Variants in FAM20C observed in about 807,000 individuals in gnomAD.
The protein encoded by FAM20C is extracellular serine/threonine protein kinase FAM20C.
A neutral mutation model predicts 51.5 loss-of-function variants in FAM20C; 40 were observed. That is an observed-to-expected ratio of 0.78 (90% CI 0.60 to 1.01). The LOEUF is 1.01. FAM20C is among the 50% of genes least tolerant of loss of function. FAM20C has a pLI of 0.00. For synonymous variants in FAM20C, 406 were observed against 380.6 expected (o/e 1.07, Z -0.78); for missense variants, 861 against 844.7 (o/e 1.02, Z -0.24).
chr7:258,616 C>A, intron 8 of FAM20C, 30 bp from the exon 9 acceptor site: 1 of 1,535,814 alleles, frequency 6.5e-7, no homozygotes, highest in Middle Eastern at 1.7e-4. Flanking sequence ...TGTACAGGGG[C>A]CCTTGACAAT....
chr7:211,932 C>T (rs28421120), intron 3 of FAM20C, among the ~76,000 whole-genome samples: 45,676 of 147,972 alleles, frequency 0.31, 7,079 homozygotes, highest in South Asian at 0.46. Flanking sequence ...CTCTCACCGC[C>T]GCCCCCCAGG....
chr7:229,031 AC>A (rs1203424273), intron 3 of FAM20C: 3 of 229,550 alleles, frequency 1.3e-5, no homozygotes, highest in Non-Finnish European at 2.5e-5. Context: ...CACGCACCCC[AC>A]CCCCCCACCA....
intron 2 of FAM20C, among the ~76,000 whole-genome samples, chr7:208,141 G>T (rs1471180549): frequency 1.3e-5 from 2 of 152,188 alleles, no homozygotes; most frequent in Admixed American, 6.5e-5. Flanking sequence ...GGGCAGGGGG[G>T]TGCGTGGGTG....
chr7:214,261 G>T lies in FAM20C; in HGVS notation c.863+5285G>T, dbSNP rs548341118. Among the ~76,000 whole-genome samples, 21 of 152,088 alleles carry T rather than the reference G, an allele frequency of 1.4e-4. No individual in the cohort carries two copies. The South Asian group carries it at 4.4e-3, about 32-fold the overall frequency. ...AATCGCTTGAACCCGGGAGGCGGAG[G>T]TTGCAGTGAGCCGAGATCACGCCAC... On this transcript the variant is annotated intron_variant, in intron 3 of 9. Transcript: ENST00000313766.
At chr7:197,185 T>A (rs1785912849) in intron 2 of FAM20C, 1 of 166,942 alleles carries the variant, frequency 6.0e-6, no homozygotes, top group African/African-American at 2.4e-5. Flanking sequence ...GGTGGGGAGT[T>A]GAGGATGAGT....
At chr7:203,287 C>A (rs1786213133) in intron 2 of FAM20C, among the ~76,000 whole-genome samples, 1 of 152,254 alleles carries the variant, frequency 6.6e-6, no homozygotes, top group Non-Finnish European at 1.5e-5. Flanking sequence ...AGGACCTGTG[C>A]CCACACGCCT....
Position 248,364 on chromosome 7 carries a change from A to G in FAM20C, c.1006A>G (p.Met336Val), listed in dbSNP as rs1788257124. 4 of 1,537,052 alleles carry G rather than the reference A, an allele frequency of 2.6e-6. No individual in the cohort carries two copies. Among genetic ancestry groups the G allele is most frequent in the African/African-American group, 1.4e-5 (1 of 73,058 alleles). The change falls in exon 5 of 10, where the codon ATG becomes GTG. Residue 336 changes from methionine (M) to valine (V), a missense_variant. Met to Val is a conservative substitution (Grantham distance 21, BLOSUM62 1). Transcript: ENST00000313766. ...TCCCGTGGCCGGCAGGATGGTCAAC[A>G]TGACCAAGGAGATCCGGGACGTCAC... ...VPPVAGRMVN[M>V]TKEIRDVTRD...
rs144273353 is a variant in FAM20C at position 243,947 on chromosome 7, T to A, written c.864-2468T>A. Among the ~76,000 whole-genome samples, 267 of 106,884 alleles carry A rather than the reference T, an allele frequency of 2.5e-3. 1 individual carries two copies. The highest frequency in any genetic ancestry group is 6.7e-3 in the South Asian group (19 of 2,830). The allele number at this position is 106,884 out of a possible 152,430, so 70.1% of individuals were successfully genotyped here. A position where few individuals can be genotyped will look rare whatever the true frequency, so the allele number is the denominator to read the frequency against. On this transcript the variant is annotated intron_variant, in intron 3 of 9. Coordinates refer to ENST00000313766, the MANE Select transcript of FAM20C (RefSeq NM_020223.4). ...TAATAATAATAATAATAATAATAAT[T>A]ATTATTATTATTATTTGGAGACAGG...
chr7:223,042 GGCGTGTGTGT>G (rs1787308866), intron 3 of FAM20C, among the ~76,000 whole-genome samples: 1 of 34,922 alleles, frequency 2.9e-5, no homozygotes, highest in Non-Finnish European at 7.0e-5. Flanking sequence ...TGTATGTGAG[GGCGTGTGTGT>G]GCACACTCAT....
chr7:253,534 T>C (rs1473056516), intron 5 of FAM20C, among the ~76,000 whole-genome samples: 1 of 139,616 alleles, frequency 7.2e-6, no homozygotes, highest in Non-Finnish European at 1.6e-5. Context: ...GGACTCACGC[T>C]CCTTCCTCCC....
At chr7:194,188 G>C (rs554254142) in intron 1 of FAM20C, 1 of 210,986 alleles carries the variant, frequency 4.7e-6, no homozygotes, top group East Asian at 1.0e-4. Context: ...GGTGCTCTGG[G>C]TGGGCACCTT....
intron 2 of FAM20C, among the ~76,000 whole-genome samples, chr7:204,339 T>C (rs1016433456): frequency 6.6e-6 from 1 of 152,190 alleles, no homozygotes; most frequent in Admixed American, 6.5e-5. Context: ...ATGAGATTCG[T>C]TGCTGCTTCC....
At chr7:244,060 G>A (rs1278214305) in intron 3 of FAM20C, among the ~76,000 whole-genome samples, 7 of 151,754 alleles carry the variant, frequency 4.6e-5, no homozygotes, top group South Asian at 4.2e-4. Flanking sequence ...TCAGCCTCCC[G>A]CGTAGCTGGG....
At chr7:217,257 C>G (rs755251908) in intron 3 of FAM20C, among the ~76,000 whole-genome samples, 2 of 152,060 alleles carry the variant, frequency 1.3e-5, no homozygotes, top group South Asian at 4.1e-4. Flanking sequence ...GGGCCTTCTG[C>G]GGGACCTGTG....
chr7:252,815 C>T (rs879676403), intron 5 of FAM20C, among the ~76,000 whole-genome samples: 66 of 152,234 alleles, frequency 4.3e-4, no homozygotes, highest in Admixed American at 1.2e-3. Context: ...GGGGCCGGGC[C>T]GCAGTCAGAG....
At chr7:226,407 G>A (rs368078676) in intron 3 of FAM20C, among the ~76,000 whole-genome samples, 16 of 152,288 alleles carry the variant, frequency 1.1e-4, no homozygotes, top group Admixed American at 4.6e-4. Flanking sequence ...TCAGAGGGGC[G>A]TGCCACAAGG....
intron 3 of FAM20C, among the ~76,000 whole-genome samples, chr7:227,049 GC>G (rs1172451714): frequency 6.6e-6 from 1 of 152,076 alleles, no homozygotes; most frequent in Admixed American, 6.5e-5. Flanking sequence ...TCCGACCCTG[GC>G]CGACTGAGGA....
At chr7:234,856 C>T (rs888712377) in intron 3 of FAM20C, among the ~76,000 whole-genome samples, 3 of 152,242 alleles carry the variant, frequency 2.0e-5, no homozygotes, top group East Asian at 1.9e-4. Context: ...AGATGAGTCC[C>T]GAGAAGCCCA....
At chr7:243,940 TA>T (rs1562390969) in intron 3 of FAM20C, among the ~76,000 whole-genome samples, 14 of 135,862 alleles carry the variant, frequency 1.0e-4, no homozygotes, top group African/African-American at 2.9e-4. Flanking sequence ...ATAATAATAA[TA>T]ATAATTATTA....
Sources: gnomAD v4.1 joint callset for allele counts (sites outside exome capture counted in the v4.1 genomes callset) on GRCh38, gnomAD v4.1.1 for gene constraint, MANE v1.5 for transcripts, NCBI Gene and HGNC (gene_info 2026-07-23, HGNC 2026-07-21) for gene names.